SDCCAG8: variants seen among roughly 807,000 people sequenced by gnomAD.
The protein encoded by SDCCAG8 is SHH signaling and ciliogenesis regulator SDCCAG8.
In SDCCAG8, 74 loss-of-function variants were observed where a neutral mutation model predicts 101.8. The observed-to-expected ratio is 0.73, with a 90% CI of 0.60 to 0.88. SDCCAG8 has a LOEUF of 0.88. Ranked by LOEUF, SDCCAG8 falls within the 40% of genes least tolerant of loss-of-function variation. The pLI, the probability that SDCCAG8 is intolerant of heterozygous loss-of-function variation, is 0.00. For synonymous variants in SDCCAG8, 281 were observed against 292.9 expected (o/e 0.96, Z 0.41); for missense variants, 787 against 822.6 (o/e 0.96, Z 0.53).
At chr1:243,376,587 A>C (rs2077610750) in intron 12 of SDCCAG8, among the ~76,000 whole-genome samples, 1 of 152,196 alleles carries the variant, frequency 6.6e-6, no homozygotes. Flanking sequence ...TTTTCTTTTT[A>C]AAAAAGTTTT....
At position 243,487,501 on chromosome 1, in the gene SDCCAG8, C is replaced by G. The variant is rs561421888; in HGVS notation, c.1986-1513C>G. On this transcript the variant is annotated intron_variant, in intron 16 of 17. Coordinates refer to ENST00000366541, the MANE Select transcript of SDCCAG8 (RefSeq NM_006642.5). ...CATCACCATATATATACATCACACA[C>G]ACAGGGAAACACTCCTACTTGGATG... Among the ~76,000 whole-genome samples the G allele has an allele frequency of 3.9e-5, 6 of 152,316 alleles. No homozygotes were observed. The South Asian group carries it at 8.3e-4, about 21-fold the overall frequency.
chr1:243,469,039 T>G (rs1468132791), intron 16 of SDCCAG8, among the ~76,000 whole-genome samples: 1 of 152,204 alleles, frequency 6.6e-6, no homozygotes, highest in Non-Finnish European at 1.5e-5. Flanking sequence ...ATAGAGCAAA[T>G]GAAAGGATAG....
chr1:243,328,123 C>T (rs930865917), intron 9 of SDCCAG8, among the ~76,000 whole-genome samples: 3 of 152,150 alleles, frequency 2.0e-5, no homozygotes, highest in Non-Finnish European at 2.9e-5. Flanking sequence ...AGGATGGTCT[C>T]GATCTCCTGA....
intron 6 of SDCCAG8, among the ~76,000 whole-genome samples, chr1:243,297,853 T>C (rs1047611985): frequency 1.3e-5 from 2 of 152,200 alleles, no homozygotes; most frequent in African/African-American, 4.8e-5. Context: ...GTATACATAT[T>C]ATAAATATAT....
chr1:243,474,362 C>A lies in SDCCAG8; in HGVS notation c.1986-14652C>A, dbSNP rs1661911279. ...GCGAGCCCCCGTGGAGTCGCCTGAG[C>A]CAGATGCTCCGCACCCAGCCTCCCC... On this transcript the variant is annotated intron_variant, in intron 16 of 17. Transcript: ENST00000366541. This position sits in a 1 kb window ranked among gnomAD's most constrained non-coding sequence, Gnocchi z 4.7. 6.6e-6 allele frequency among the ~76,000 whole-genome samples: 1 copy of A among 152,192 alleles called. No homozygotes were observed. The highest frequency in any genetic ancestry group is 1.5e-5 in the Non-Finnish European group (1 of 68,022).
chr1:243,317,690 T>C (rs988234768), intron 9 of SDCCAG8, among the ~76,000 whole-genome samples: 1 of 152,214 alleles, frequency 6.6e-6, no homozygotes, highest in African/African-American at 2.4e-5. Context: ...TAACAGTTTA[T>C]ACTTAGTGAT....
chr1:243,314,781 C>T (rs890262737), intron 8 of SDCCAG8, among the ~76,000 whole-genome samples: 1 of 152,230 alleles, frequency 6.6e-6, no homozygotes, highest in African/African-American at 2.4e-5. Context: ...ACGATCTCAG[C>T]TCACTGCAAC....
intron 16 of SDCCAG8, among the ~76,000 whole-genome samples, chr1:243,455,223 G>T (rs572106090): frequency 6.6e-6 from 1 of 152,238 alleles, no homozygotes; most frequent in South Asian, 2.1e-4. Context: ...ACATGAAAAA[G>T]TAGGCCAGTT....
chr1:243,439,315 A>G (rs1330598557), intron 16 of SDCCAG8, among the ~76,000 whole-genome samples: 1 of 151,558 alleles, frequency 6.6e-6, no homozygotes, highest in African/African-American at 2.4e-5. Context: ...CACTGCACCC[A>G]GTTTACCATT....
At chr1:243,275,945 C>G (rs73118315) in intron 4 of SDCCAG8, among the ~76,000 whole-genome samples, 7,730 of 147,972 alleles carry the variant, frequency 0.052, 690 homozygotes, top group African/African-American at 0.18. Context: ...CTCACTGCAA[C>G]CTCCGACTCC....
chr1:243,495,263 G>C (rs1168724347), intron 17 of SDCCAG8, among the ~76,000 whole-genome samples: 1 of 152,196 alleles, frequency 6.6e-6, no homozygotes, highest in South Asian at 2.1e-4. Context: ...CCCTCTCCCC[G>C]CCAAGTCCAG....
chr1:243,472,773 C>G (rs972891441), intron 16 of SDCCAG8, among the ~76,000 whole-genome samples: 1 of 152,192 alleles, frequency 6.6e-6, no homozygotes, highest in Non-Finnish European at 1.5e-5. Flanking sequence ...CTAGAAATCT[C>G]AAGTGTCTTC....
At chr1:243,290,412 C>T (rs2070131399) in intron 5 of SDCCAG8, among the ~76,000 whole-genome samples, 1 of 152,124 alleles carries the variant, frequency 6.6e-6, no homozygotes, top group African/African-American at 2.4e-5. Flanking sequence ...GATCTGTGGT[C>T]TACATGCTCC....
At chr1:243,385,944 G>T (rs984830915) in intron 13 of SDCCAG8, among the ~76,000 whole-genome samples, 2 of 152,172 alleles carry the variant, frequency 1.3e-5, no homozygotes, top group African/African-American at 4.8e-5. Context: ...ACTCCAGACT[G>T]GGCAACAAGA....
At chr1:243,344,483 G>A in intron 12 of SDCCAG8, 152 bp downstream of exon 12, 1 of 688,876 alleles carries the variant, frequency 1.5e-6, no homozygotes, top group Non-Finnish European at 2.6e-6. Context: ...TTCTTTTATA[G>A]TTGCCTAAAA....
rs1175375506 is a variant in SDCCAG8 at position 243,415,702 on chromosome 1, A to G, written c.1617A>G (p.Arg539=). The change falls in exon 14 of 18, where the codon AGA becomes AGG. Residue 539 remains arginine (R), a splice_region_variant and synonymous_variant. Transcript: ENST00000366541. ...GESEHQLHLT[R]QEKDSIQQSF... ...TGTATGTCTCCTCTCTGTTTTGCAG[A>G]CAGGAAAAAGATAGCATTCAGCAGA... 5 of 1,613,642 alleles carry G rather than the reference A, an allele frequency of 3.1e-6. No homozygotes were observed. The highest frequency in any genetic ancestry group is 4.2e-6 in the Non-Finnish European group (5 of 1,179,748).
chr1:243,272,431 T>G (rs984028150), intron 3 of SDCCAG8, among the ~76,000 whole-genome samples: 1 of 151,978 alleles, frequency 6.6e-6, no homozygotes, highest in African/African-American at 2.4e-5. Context: ...TAGATACAGA[T>G]TTTATAATTT....
At position 243,386,429 on chromosome 1, in the gene SDCCAG8, C is replaced by T. The variant is rs375102978; in HGVS notation, c.1616+7566C>T. ...AATGTTAGCTTCTTCCGGCCGGGCG[C>T]GGTGGCTCACGCCTGTAATCCTAGC... On this transcript the variant is annotated intron_variant, in intron 13 of 17. Transcript: ENST00000366541. Among the ~76,000 whole-genome samples the T allele has an allele frequency of 2.6e-4, 40 of 152,230 alleles. No individual in the cohort carries two copies. In the South Asian group the frequency reaches 4.1e-3, roughly 16 times the overall value.
intron 4 of SDCCAG8, among the ~76,000 whole-genome samples, chr1:243,282,232 T>C (rs1430470488): frequency 6.6e-6 from 1 of 152,226 alleles, no homozygotes; most frequent in East Asian, 1.9e-4. Context: ...TGGTAGCCGT[T>C]GATTGATGCT....
Sources: allele counts gnomAD v4.1 joint callset (sites outside exome capture counted in the v4.1 genomes callset), GRCh38; gene constraint gnomAD v4.1.1; non-coding constraint Gnocchi (gnomAD v3.1); transcripts MANE v1.5; gene names NCBI Gene and HGNC (gene_info 2026-07-23, HGNC 2026-07-21).